Variants in SYBU observed in about 807,000 individuals in gnomAD.
SYBU encodes the protein syntabulin.
Under a neutral mutation model 35.9 loss-of-function variants are expected in SYBU, and 21 were observed. The ratio of observed to expected loss-of-function variants is 0.58; its 90% CI spans 0.41 to 0.84. SYBU has a LOEUF of 0.84. SYBU is among the 40% of genes least tolerant of loss of function. The pLI is 0.00. For missense variants in SYBU, 768 were observed against 848.2 expected, an observed-to-expected ratio of 0.91 and a Z score of 1.17; for synonymous variants, 319 against 324.3, an observed-to-expected ratio of 0.98 and a Z score of 0.18.
intron 3 of SYBU, chr8:109,603,538 T>G (rs1217145428): frequency 3.9e-6 from 1 of 254,588 alleles, no homozygotes; most frequent in Admixed American, 6.5e-5. Flanking sequence ...TAAATTCAAG[T>G]GTACTCAGTG....
intron 1 of SYBU, among the ~76,000 whole-genome samples, chr8:109,690,704 A>G (rs766194477): frequency 6.6e-6 from 1 of 152,190 alleles, no homozygotes; most frequent in Non-Finnish European, 1.5e-5. Flanking sequence ...TGTACAATTT[A>G]CCTCTATTTT....
At chr8:109,690,278 G>A (rs1028971171) in intron 1 of SYBU, among the ~76,000 whole-genome samples, 3 of 152,206 alleles carry the variant, frequency 2.0e-5, no homozygotes, top group Admixed American at 6.5e-5. Flanking sequence ...CTCTCCAAAT[G>A]TACAAGTGGA....
chr8:109,675,984 C>T (rs1181218479), intron 1 of SYBU, among the ~76,000 whole-genome samples: 2 of 152,190 alleles, frequency 1.3e-5, no homozygotes, highest in Admixed American at 6.5e-5. Flanking sequence ...GCTGGTTTAA[C>T]ATATGCAAAT....
At chr8:109,612,649 A>C (rs1811299043) in intron 3 of SYBU, among the ~76,000 whole-genome samples, 1 of 152,236 alleles carries the variant, frequency 6.6e-6, no homozygotes, top group Admixed American at 6.5e-5. Flanking sequence ...ACTAAGCGCT[A>C]CAAGTGATAA....
chr8:109,601,405 G>A (rs776827722), intron 3 of SYBU, among the ~76,000 whole-genome samples: 7 of 152,158 alleles, frequency 4.6e-5, no homozygotes, highest in Non-Finnish European at 8.8e-5. Flanking sequence ...TCAACTATGC[G>A]TTAAACACTT....
At chr8:109,633,064 C>T (rs1284805050) in intron 2 of SYBU, among the ~76,000 whole-genome samples, 2 of 152,170 alleles carry the variant, frequency 1.3e-5, no homozygotes, top group African/African-American at 4.8e-5. Flanking sequence ...AAACAAAATA[C>T]ATCATATAAA....
In SYBU at chr8:109,644,688, C is replaced by G; in HGVS notation, c.-29G>C. On this transcript the variant is annotated 5_prime_UTR_variant, in exon 1 of 7. Coordinates refer to ENST00000276646, the MANE Select transcript of SYBU (RefSeq NM_001099754.2). ...GCCGCTGCCCGCCGGCTCCTCGCGCCGCCGCTGCCGCCGTCCAGGAGGAGG... is the reference window on the plus strand; with the variant it reads ...GCCGCTGCCCGCCGGCTCCTCGCGCGGCCGCTGCCGCCGTCCAGGAGGAGG... 6.7e-7 allele frequency: 1 copy of G among 1,499,504 alleles called. No individual in the cohort carries two copies. Among genetic ancestry groups the G allele is most frequent in the Non-Finnish European group, 8.8e-7 (1 of 1,131,856 alleles). The allele number at this position is 1,499,504 out of a possible 1,614,324, so 92.9% of individuals were successfully genotyped here.
At chr8:109,676,085 A>G (rs1817179594) in intron 1 of SYBU, among the ~76,000 whole-genome samples, 1 of 152,230 alleles carries the variant, frequency 6.6e-6, no homozygotes, top group Non-Finnish European at 1.5e-5. Flanking sequence ...GATAAAATTC[A>G]ACACCCCTTC....
rs1192818729 is a variant in SYBU at position 109,691,092 on chromosome 8, A to G, written c.-58+241T>C. Among the ~76,000 whole-genome samples the G allele has an allele frequency of 1.3e-5, 2 of 152,104 alleles. No homozygotes were observed. The highest frequency in any genetic ancestry group is 2.9e-5 in the Non-Finnish European group (2 of 67,988). ...GCCCGACCGTCTCAACAACCAATCAAACCAATCAAACAGGAGGGCCTTTCC... is the reference window on the plus strand; with the variant it reads ...GCCCGACCGTCTCAACAACCAATCAGACCAATCAAACAGGAGGGCCTTTCC... On this transcript the variant is annotated intron_variant, in intron 1 of 7. Coordinates refer to the SYBU transcript ENST00000422135. The surrounding 1 kb of genome is among the most constrained non-coding windows in gnomAD (Gnocchi z 4.7).
At chr8:109,619,804 T>C in intron 2 of SYBU, among the ~76,000 whole-genome samples, 1 of 152,214 alleles carries the variant, frequency 6.6e-6, no homozygotes, top group Non-Finnish European at 1.5e-5. Context: ...GTTTGAAAGA[T>C]AAGTCATCCG....
intron 1 of SYBU, among the ~76,000 whole-genome samples, chr8:109,658,231 T>A (rs1340833084): frequency 2.0e-5 from 3 of 152,184 alleles, no homozygotes; most frequent in Non-Finnish European, 4.4e-5. Flanking sequence ...CTTTTAGGCC[T>A]TTTGTGATTT....
At chr8:109,671,595 TG>T in intron 1 of SYBU, among the ~76,000 whole-genome samples, 1 of 152,352 alleles carries the variant, frequency 6.6e-6, no homozygotes, top group Admixed American at 6.5e-5. Flanking sequence ...TTAAAGCATT[TG>T]AAATGTTTCA....
intron 3 of SYBU, among the ~76,000 whole-genome samples, chr8:109,616,160 C>T (rs1811768884): frequency 6.6e-6 from 1 of 151,636 alleles, no homozygotes; most frequent in Middle Eastern, 3.2e-3. Context: ...TACAGGTACA[C>T]ACCACCACGC....
upstream of SYBU, chr8:109,644,837 C>T (rs896550683): frequency 6.8e-6 from 4 of 588,706 alleles, no homozygotes; most frequent in East Asian, 1.1e-4. Flanking sequence ...TCCGAGGGCA[C>T]GCCCGACCCC....
At chr8:109,688,302 A>T (rs1295659033) in intron 1 of SYBU, among the ~76,000 whole-genome samples, 1 of 152,226 alleles carries the variant, frequency 6.6e-6, no homozygotes, top group African/African-American at 2.4e-5. Flanking sequence ...AAAATTGTGA[A>T]GTATACTAGA....
intron 1 of SYBU, among the ~76,000 whole-genome samples, chr8:109,678,333 G>A (rs1817273770): frequency 6.6e-6 from 1 of 151,232 alleles, no homozygotes; most frequent in South Asian, 2.1e-4. Flanking sequence ...AGATTGTTAG[G>A]TTAAGCTTGA....
rs573580025 is a variant in SYBU, at chr8:109,582,396, T to A, written c.531-2394A>T. 1.1e-4 allele frequency among the ~76,000 whole-genome samples: 16 copies of A among 152,304 alleles called. No homozygotes were observed. In the South Asian group the frequency reaches 3.3e-3, roughly 32 times the overall value. On this transcript the variant is annotated intron_variant, in intron 4 of 6. Coordinates refer to ENST00000276646, the MANE Select transcript of SYBU (RefSeq NM_001099754.2). ...AACATTTTCAAAGGAGACACTGAGA[T>A]TCCATGTTTGTCATGGCCATGAACT... is the stretch of plus-strand genomic sequence containing the variant.
rs1268400259 is a variant in SYBU, at chr8:109,615,997, C to CTTTCTTT, written c.427+2844_427+2845insAAAGAAA. Among the ~76,000 whole-genome samples the CTTTCTTT allele has an allele frequency of 7.2e-3, 693 of 95,658 alleles. 48 individuals are homozygous for CTTTCTTT. Among genetic ancestry groups the CTTTCTTT allele is most frequent in the African/African-American group, 0.011 (223 of 20,568 alleles). The allele number at this position is 95,658 out of a possible 152,430, so 62.8% of individuals were successfully genotyped here. On this transcript the variant is annotated intron_variant, in intron 3 of 6. Coordinates refer to ENST00000276646, the MANE Select transcript of SYBU (RefSeq NM_001099754.2). ...TATTCCCTGTAATTTCTTTTCTTTT[C>CTTTCTTT]TTTTCTTTCTTTTTTTTTTTTTTTT...
Position 109,586,090 on chromosome 8 carries a change from G to A in SYBU, c.500C>T (p.Ala167Val), listed in dbSNP as rs752776293. The A allele has an allele frequency of 6.5e-5, 104 of 1,611,508 alleles. 1 individual carries two copies. Among genetic ancestry groups the A allele is most frequent in the Middle Eastern group, 1.7e-4 (1 of 6,038 alleles). ...TGAAGAAGAAGACCGCTTGCTTCCC[G>A]CAGTCGACATATGGACCTCAGGAGC... Reference protein sequence around the residue: ...ISAPEVHMSTAGSKRSSSSRN... With the variant: ...ISAPEVHMSTVGSKRSSSSRN... The change falls in exon 4 of 7, where the codon GCG (alanine) becomes GTG (valine). Residue 167 changes from alanine to valine, a missense_variant. Coordinates refer to ENST00000276646, the MANE Select transcript of SYBU (RefSeq NM_001099754.2).
Sources: allele counts gnomAD v4.1 joint callset (sites outside exome capture counted in the v4.1 genomes callset), GRCh38; gene constraint gnomAD v4.1.1; non-coding constraint Gnocchi (gnomAD v3.1); transcripts MANE v1.5; gene names NCBI Gene and HGNC (gene_info 2026-07-23, HGNC 2026-07-21).